The following CCDC154 variants were observed in gnomAD, a reference collection of about 807,000 sequenced individuals.
CCDC154 encodes the protein coiled-coil domain containing 154, also known as coiled-coil domain-containing protein 154.
In CCDC154, 91 loss-of-function variants were observed where a neutral mutation model predicts 87.5. That is an observed-to-expected ratio of 1.04 (90% confidence interval 0.88 to 1.24). CCDC154 has a LOEUF of 1.24. Ranked by LOEUF, CCDC154 falls within the 50% of genes most tolerant of loss-of-function variation. The probability of loss-of-function intolerance (pLI) is 0.00; values close to 1 mark genes in which losing one functional copy is unlikely to be tolerated. For missense variants in CCDC154, 903 were observed against 879.2 expected (o/e 1.03, Z -0.34); for synonymous variants, 418 against 400.4 (o/e 1.04, Z -0.52).
Position 1,442,467 on chromosome 16 carries a change from G to A in CCDC154, c.614C>T (p.Ala205Val), listed in dbSNP as rs750460090. 7 of 1,550,204 alleles carry A rather than the reference G, an allele frequency of 4.5e-6. No individual in the cohort carries two copies. The highest frequency in any genetic ancestry group is 4.9e-5 in the East Asian group (2 of 40,900). Residue 205 changes from alanine (A) to valine (V), a missense_variant, in exon 6 of 17, where the codon GCC (alanine) becomes GTC (valine). Physicochemically the swap from Ala to Val is moderately conservative, Grantham distance 64. Coordinates refer to ENST00000389176, the MANE Select transcript of CCDC154 (RefSeq NM_001143980.3). ...EEQGREVACG[A>V]LQKNQEDSSR... ...GCTGTCCTCTTGGTTCTTCTGCAGG[G>A]CGCCGCAGGCCACCTCCCGGCCCTG...
At chr16:1,436,417 C>T (rs1290027965) in intron 13 of CCDC154, 28 bp downstream of exon 13, 9 of 1,524,282 alleles carry the variant, frequency 5.9e-6, no homozygotes, top group Non-Finnish European at 7.1e-6. Context: ...AGAGCCCCTG[C>T]CCCTCTCCCA....
In CCDC154 at chr16:1,439,009, G is replaced by T. The variant is rs761169957; in HGVS notation, c.777+16C>A. 35 of 1,550,088 alleles carry T rather than the reference G, an allele frequency of 2.3e-5. No individual in the cohort carries two copies. The East Asian group carries it at 7.1e-4, about 31-fold the overall frequency. Reference sequence around the variant, plus strand: ...GGAAGGGGGGCAGGGCAGGCCAGCCGCGGGCAGGCTCCCACCTTCTCCAGG... The same window carrying T: ...GGAAGGGGGGCAGGGCAGGCCAGCCTCGGGCAGGCTCCCACCTTCTCCAGG... On this transcript the variant is annotated intron_variant, in intron 7 of 16. Coordinates refer to ENST00000389176, the MANE Select transcript of CCDC154 (RefSeq NM_001143980.3).
chr16:1,443,640 C>T lies in CCDC154; in HGVS notation c.280G>A (p.Glu94Lys), dbSNP rs1461174387. 7.4e-7 allele frequency: 1 copy of T among 1,356,284 alleles called. No homozygotes were observed. The highest frequency in any genetic ancestry group is 9.6e-7 in the Non-Finnish European group (1 of 1,039,794). 84.0% of individuals were successfully genotyped at this position (1,356,284 alleles called of 1,614,324 possible). A position where few individuals can be genotyped will look rare whatever the true frequency, so the allele number is the denominator to read the frequency against. Residue 94 changes from glutamate to lysine, a missense_variant, in exon 3 of 17, where the codon GAG (glutamate) becomes AAG (lysine). Transcript: ENST00000389176. ...CGCAGCAGGCTCCGCGTGGCGCGCT[C>T]ACAGCGCTGCTTGTGCTCCCGCAGG... is the stretch of plus-strand genomic sequence containing the variant. ...ACLREHKQRC[E>K]RATRSLLREL... is the part of the protein sequence containing the mutation.
At chr16:1,440,253 T>C (rs930100200) in intron 6 of CCDC154, among the ~76,000 whole-genome samples, 6 of 150,876 alleles carry the variant, frequency 4.0e-5, no homozygotes, top group Non-Finnish European at 7.4e-5. Flanking sequence ...ATCAAGACTA[T>C]CCTGGCTAAC....
intron 5 of CCDC154, 104 bp downstream of exon 5, chr16:1,442,776 T>G: frequency 8.1e-7 from 1 of 1,230,284 alleles, no homozygotes; most frequent in Non-Finnish European, 1.1e-6. Flanking sequence ...CCCCGCCGGG[T>G]TACTGGGGAC....
At chr16:1,438,985 G>A in intron 7 of CCDC154, 40 bp downstream of exon 7, 1 of 1,549,660 alleles carries the variant, frequency 6.5e-7, no homozygotes, top group African/African-American at 1.4e-5. Context: ...CTGCGTCTGG[G>A]AAGGGGGGCA....
At chr16:1,439,865 CA>C (rs2038535530) in intron 6 of CCDC154, among the ~76,000 whole-genome samples, 1 of 152,032 alleles carries the variant, frequency 6.6e-6, no homozygotes, top group African/African-American at 2.4e-5. Context: ...ACTTTATTTA[CA>C]AAAACAAGCA....
intron 6 of CCDC154, among the ~76,000 whole-genome samples, chr16:1,439,558 G>T (rs1022891419): frequency 3.3e-5 from 5 of 152,272 alleles, no homozygotes; most frequent in African/African-American, 4.8e-5. Flanking sequence ...GGGAGGGGAG[G>T]GGGGAGGCGC....
rs1333119561 is a variant in CCDC154, at chr16:1,438,057, A to G, written c.1145T>C (p.Leu382Pro). 6.5e-7 allele frequency: 1 copy of G among 1,547,902 alleles called. No individual in the cohort carries two copies. ...ELARQEMHGE[L>P]VLLREKSRAL... Reference sequence around the variant, plus strand: ...GTTGCGCTACCCCCTCACCAGCACCAGCTCTCCATGCATCTCCTGCCGGGC... The same window carrying G: ...GTTGCGCTACCCCCTCACCAGCACCGGCTCTCCATGCATCTCCTGCCGGGC... The change falls in exon 10 of 17, where the codon CTG (leucine) becomes CCG (proline). Residue 382 changes from leucine to proline, a missense_variant. Leu to Pro is a moderately conservative substitution (Grantham distance 98). Coordinates refer to ENST00000389176, the MANE Select transcript of CCDC154 (RefSeq NM_001143980.3).
chr16:1,439,578 C>T (rs2038533513), intron 6 of CCDC154, among the ~76,000 whole-genome samples: 1 of 152,228 alleles, frequency 6.6e-6, no homozygotes, highest in Non-Finnish European at 1.5e-5. Flanking sequence ...CAGCCGGCCC[C>T]ATCCCTGCAT....
rs1285680473 is a variant in CCDC154 at position 1,434,431 on chromosome 16, G to T, written c.1981C>A (p.Pro661Thr). The change falls in exon 17 of 17, where the codon CCC becomes ACC. Residue 661 changes from proline to threonine, a missense_variant. Physicochemically the swap from Pro to Thr is conservative, Grantham distance 38 (BLOSUM62 -1). Coordinates refer to ENST00000389176, the MANE Select transcript of CCDC154 (RefSeq NM_001143980.3). ...GTTTATTTCTGGATAAACAGTGAGG[G>T]TGTGAGCTGCTGCACCTGCTCCTGG... ...HSQEQVQQLT[P>T]SLFIQK 5 of 1,550,374 alleles carry T rather than the reference G, an allele frequency of 3.2e-6. No homozygotes were observed. The African/African-American group carries it at 4.1e-5, about 13-fold the overall frequency.
At chr16:1,441,535 A>C (rs2142355693) in intron 6 of CCDC154, among the ~76,000 whole-genome samples, 1 of 152,050 alleles carries the variant, frequency 6.6e-6, no homozygotes, top group East Asian at 1.9e-4. Flanking sequence ...AGGGGGAGCC[A>C]CTCCAGCCCC....
rs371380380 is a variant in CCDC154 at position 1,435,986 on chromosome 16, G to C, written c.1588C>G (p.Gln530Glu). The C allele has an allele frequency of 6.5e-6, 10 of 1,550,110 alleles. No individual in the cohort carries two copies. Among genetic ancestry groups the C allele is most frequent in the South Asian group, 5.9e-5 (5 of 84,056 alleles). Residue 530 changes from glutamine (Q) to glutamate (E), a missense_variant, in exon 14 of 17, where the codon CAG (glutamine) becomes GAG (glutamate). Gln to Glu is a conservative substitution (Grantham distance 29). Transcript: ENST00000389176. ...AGGACTACCGTGGCCAGCTTGCCCT[G>C]CATCTCCGCGATCTTCCGCCCAGGG... is the stretch of plus-strand genomic sequence containing the variant. ...DNPGRKIAEMQGKLATFQNQI... is the reference protein window; with the variant it reads ...DNPGRKIAEMEGKLATFQNQI...
At chr16:1,442,675 G>A (rs898008172) in intron 5 of CCDC154, 146 bp from the exon 6 acceptor site, 23 of 1,085,272 alleles carry the variant, frequency 2.1e-5, no homozygotes, top group Middle Eastern at 2.4e-4. Context: ...ACACAGCACC[G>A]GTGGCAGGGA....
chr16:1,434,674 G>A lies in CCDC154; in HGVS notation c.1871C>T (p.Ala624Val), dbSNP rs556514121. Residue 624 changes from alanine to valine, a missense_variant, in exon 16 of 17, where the codon GCT becomes GTT. Transcript: ENST00000389176. Reference protein sequence around the residue: ...VPMNCWGVYQAVRWLRWKASL... With the variant: ...VPMNCWGVYQVVRWLRWKASL... ...CGGGATCCCTGCTGCCCACCTCACA[G>A]CCTGGTACACGCCCCAGCAGTTCAT... 1.0e-4 allele frequency: 154 copies of A among 1,545,674 alleles called. No homozygotes were observed. The African/African-American group carries it at 1.9e-3, about 20-fold the overall frequency.
Position 1,442,927 on chromosome 16 carries a change from C to A in CCDC154, c.504G>T (p.Val168=). 6.5e-7 allele frequency: 1 copy of A among 1,549,888 alleles called. No individual in the cohort carries two copies. Among genetic ancestry groups the A allele is most frequent in the Non-Finnish European group, 8.7e-7 (1 of 1,146,776 alleles). ...EALTRLRRRQ[V]QQEAERRGAE... ...CGCCCCTTCTCTCCGCCTCCTGTTG[C>A]ACCTGCCTCCTCCTGAGCCGGGTCA... Residue 168 remains valine, a synonymous_variant, in exon 5 of 17, where the codon GTG becomes GTT. Transcript: ENST00000389176.
chr16:1,434,768 T>C lies in CCDC154; in HGVS notation c.1777A>G (p.Lys593Glu). ...EGPRTPLGSW[K>E]ALPSLVRPRV... Reference sequence around the variant, plus strand: ...GGCCTCACCAGGGATGGGAGCGCCTTCCAGCTGCCCAGCGGCGTCCGCGGG... The same window carrying C: ...GGCCTCACCAGGGATGGGAGCGCCTCCCAGCTGCCCAGCGGCGTCCGCGGG... The change falls in exon 16 of 17, where the codon AAG (lysine) becomes GAG (glutamate). Residue 593 changes from lysine to glutamate, a missense_variant. By Grantham distance (56) the Lys-to-Glu change is moderately conservative. Transcript: ENST00000389176. 6.5e-7 allele frequency: 1 copy of C among 1,544,788 alleles called. No individual in the cohort carries two copies. The highest frequency in any genetic ancestry group is 8.7e-7 in the Non-Finnish European group (1 of 1,146,768).
chr16:1,434,506 T>C lies in CCDC154; in HGVS notation c.1906A>G (p.Lys636Glu), dbSNP rs1416988897. Residue 636 changes from lysine (K) to glutamate (E), a missense_variant, in exon 17 of 17, where the codon AAG (lysine) becomes GAG (glutamate). Lys to Glu is a moderately conservative substitution (Grantham distance 56). Transcript: ENST00000389176. The stretch of plus-strand genomic sequence containing the variant: ...CCTGGCCTCCGCAGGGCCCTGAGCT[T>C]TATGAGGGACGCCTTCCAGCGCAGC... ...RWLRWKASLI[K>E]LRALRRPGGV... The C allele has an allele frequency of 1.3e-6, 2 of 1,548,990 alleles. No individual in the cohort carries two copies. The highest frequency in any genetic ancestry group is 8.7e-7 in the Non-Finnish European group (1 of 1,146,500).
rs952100329 is a variant in CCDC154 at position 1,438,103 on chromosome 16, C to T, written c.1099G>A (p.Ala367Thr). The T allele has an allele frequency of 3.9e-6, 6 of 1,548,610 alleles. No homozygotes were observed. The highest frequency in any genetic ancestry group is 3.9e-5 in the Admixed American group (2 of 50,948). ...CGGGCCAGCTCGCCAGCCAGCTGTGCGGCCTCCAGGTTCTCCTGCACATAG... is the reference window on the plus strand; with the variant it reads ...CGGGCCAGCTCGCCAGCCAGCTGTGTGGCCTCCAGGTTCTCCTGCACATAG... ...AAYVQENLEA[A>T]QLAGELARQE... The change falls in exon 10 of 17, where the codon GCA (alanine) becomes ACA (threonine). Residue 367 changes from alanine to threonine, a missense_variant. Physicochemically the swap from Ala to Thr is moderately conservative, Grantham distance 58. Coordinates refer to ENST00000389176, the MANE Select transcript of CCDC154 (RefSeq NM_001143980.3).
Sources: gnomAD v4.1 joint callset for allele counts (sites outside exome capture counted in the v4.1 genomes callset) on GRCh38, gnomAD v4.1.1 for gene constraint, MANE v1.5 for transcripts, NCBI Gene and HGNC (gene_info 2026-07-23, HGNC 2026-07-21) for gene names.